Variants in UTRN observed in about 807,000 individuals in gnomAD.
UTRN encodes utrophin.
Under a neutral mutation model 463.9 loss-of-function variants are expected in UTRN, and 283 were observed. The ratio of observed to expected loss-of-function variants is 0.61; its 90% CI spans 0.55 to 0.67. UTRN has a LOEUF of 0.67. Ranked by LOEUF, UTRN falls within the 30% of genes least tolerant of loss-of-function variation. The probability of loss-of-function intolerance (pLI) is 0.00; values close to 1 mark genes in which losing one functional copy is unlikely to be tolerated. For synonymous variants in UTRN, 1,442 were observed against 1,431.5 expected (o/e 1.01, Z -0.17); for missense variants, 3,922 against 4,084.3 (o/e 0.96, Z 1.08).
intron 2 of UTRN, among the ~76,000 whole-genome samples, chr6:144,353,217 C>T (rs752313384): frequency 1.3e-5 from 2 of 152,020 alleles, no homozygotes; most frequent in Non-Finnish European, 2.9e-5. Flanking sequence ...CAGGTTCAAG[C>T]GATTCCCTTA....
chr6:144,732,261 C>CATATATATAT (rs1562832840), intron 54 of UTRN, among the ~76,000 whole-genome samples: 90 of 122,592 alleles, frequency 7.3e-4, no homozygotes, highest in Middle Eastern at 4.2e-3. Context: ...TATATATACA[C>CATATATATAT]ACATATATAT....
chr6:144,485,438 C>G lies in UTRN; in HGVS notation c.3741C>G (p.Thr1247=). Residue 1247 remains threonine (T), a synonymous_variant, in exon 28 of 75, where the codon ACC becomes ACG. Coordinates refer to ENST00000367545, the MANE Select transcript of UTRN (RefSeq NM_007124.3). ...ELLHYLDLET[T]WLNTLEERMK... is the part of the protein sequence containing the mutation. ...TTCACTATTTGGATCTTGAAACTAC[C>G]TGGTTAAACACTTTGGAAGAGCGGA... is the stretch of plus-strand genomic sequence containing the variant. The G allele has an allele frequency of 6.2e-7, 1 of 1,614,132 alleles. No homozygotes were observed. Among genetic ancestry groups the G allele is most frequent in the South Asian group, 1.1e-5 (1 of 91,084 alleles).
chr6:144,296,255 C>T (rs893730948), intron 2 of UTRN, among the ~76,000 whole-genome samples: 8 of 152,180 alleles, frequency 5.3e-5, no homozygotes, highest in South Asian at 2.1e-4. Context: ...GTCAGATCAG[C>T]GGCAGCATTA....
intron 54 of UTRN, among the ~76,000 whole-genome samples, chr6:144,731,884 C>G (rs964981468): frequency 6.6e-6 from 1 of 151,374 alleles, no homozygotes; most frequent in Non-Finnish European, 1.5e-5. Flanking sequence ...TTTTTTGAGA[C>G]AGAGTCTCAC....
chr6:144,576,947 A>G (rs1342200996), intron 50 of UTRN, 152 bp from the exon 51 acceptor site: 1 of 633,928 alleles, frequency 1.6e-6, no homozygotes, highest in Non-Finnish European at 2.7e-6. Flanking sequence ...TATTCAAGAC[A>G]CACATACAGA....
intron 53 of UTRN, 106 bp downstream of exon 53, chr6:144,700,349 T>G: frequency 1.6e-6 from 2 of 1,256,350 alleles, no homozygotes; most frequent in Non-Finnish European, 1.0e-6. Flanking sequence ...TATCACAGGA[T>G]TCCCCCCCCC....
chr6:144,685,968 C>G (rs1303306634), intron 52 of UTRN, among the ~76,000 whole-genome samples: 1 of 152,034 alleles, frequency 6.6e-6, no homozygotes, highest in Non-Finnish European at 1.5e-5. Context: ...AAATTCTTTG[C>G]CTAGGCCAAT....
chr6:144,423,978 C>T lies in UTRN; in HGVS notation c.313-8C>T, dbSNP rs772766301. The T allele has an allele frequency of 6.2e-7, 1 of 1,611,368 alleles. No homozygotes were observed. The highest frequency in any genetic ancestry group is 1.1e-5 in the South Asian group (1 of 90,708). ...TTTTTGTTTTTGTTTTTTGTTTTGT[C>T]TTAATAGGTGGAATTAGTGAATATA... On this transcript the variant is annotated splice_region_variant and splice_polypyrimidine_tract_variant and intron_variant, in intron 5 of 74. Transcript: ENST00000367545.
At chr6:144,488,158 A>G (rs902198453) in intron 29 of UTRN, among the ~76,000 whole-genome samples, 1 of 152,218 alleles carries the variant, frequency 6.6e-6, no homozygotes, top group African/African-American at 2.4e-5. Context: ...GCTTCCAAAC[A>G]CATATTAAAT....
intron 51 of UTRN, among the ~76,000 whole-genome samples, chr6:144,602,744 A>T (rs1400893731): frequency 6.6e-6 from 1 of 152,242 alleles, no homozygotes; most frequent in East Asian, 1.9e-4. Context: ...TTCAGTGCAG[A>T]CTCCATACAG....
At chr6:144,833,888 A>G (rs376921892) in intron 69 of UTRN, among the ~76,000 whole-genome samples, 1 of 152,142 alleles carries the variant, frequency 6.6e-6, no homozygotes, top group Non-Finnish European at 1.5e-5. Context: ...ACACAGACCC[A>G]TATCTCCCTG....
At position 144,448,774 on chromosome 6, in the gene UTRN, G is replaced by A; in HGVS notation, c.2072+5G>A. 6.2e-7 allele frequency: 1 copy of A among 1,612,660 alleles called. No homozygotes were observed. The highest frequency in any genetic ancestry group is 8.5e-7 in the Non-Finnish European group (1 of 1,179,432). On this transcript the variant is annotated splice_donor_5th_base_variant and intron_variant, in intron 17 of 74. Transcript: ENST00000367545. ...GGATATTGAAGCTAAGAAAAAGTGA[G>A]AAGAGATAGAGAAATTGTTCAAATC...
intron 51 of UTRN, among the ~76,000 whole-genome samples, chr6:144,668,764 C>T (rs1205165269): frequency 6.6e-6 from 1 of 152,100 alleles, no homozygotes; most frequent in Non-Finnish European, 1.5e-5. Context: ...GCCCCACCTC[C>T]TAATACCATT....
intron 51 of UTRN, among the ~76,000 whole-genome samples, chr6:144,638,802 A>C (rs1777462807): frequency 6.6e-6 from 1 of 152,150 alleles, no homozygotes; most frequent in Non-Finnish European, 1.5e-5. Flanking sequence ...ATTGCTTATA[A>C]TCCTTTTAGA....
chr6:144,722,338 C>T (rs1271390986), intron 53 of UTRN, among the ~76,000 whole-genome samples: 3 of 150,124 alleles, frequency 2.0e-5, no homozygotes, highest in African/African-American at 7.3e-5. Flanking sequence ...TTTTAAATAT[C>T]GCTGTCTTTC....
At chr6:144,540,421 T>C (rs1024119656) in intron 45 of UTRN, among the ~76,000 whole-genome samples, 1 of 152,182 alleles carries the variant, frequency 6.6e-6, no homozygotes, top group African/African-American at 2.4e-5. Flanking sequence ...CTATAGCTAA[T>C]GATGCAGGTG....
intron 51 of UTRN, among the ~76,000 whole-genome samples, chr6:144,658,145 T>A (rs1464126171): frequency 6.6e-6 from 1 of 152,194 alleles, no homozygotes; most frequent in African/African-American, 2.4e-5. Flanking sequence ...AAGCATTAGA[T>A]TAACACATTT....
intron 58 of UTRN, among the ~76,000 whole-genome samples, chr6:144,769,174 C>A (rs903359408): frequency 6.6e-6 from 1 of 151,902 alleles, no homozygotes; most frequent in Non-Finnish European, 1.5e-5. Context: ...GTTGCCTACT[C>A]TGGGAGAACT....
At chr6:144,497,360 GC>G (rs137861686) in intron 33 of UTRN, among the ~76,000 whole-genome samples, 4,346 of 152,008 alleles carry the variant, frequency 0.029, 201 homozygotes, top group African/African-American at 0.098. Flanking sequence ...GGATGGTGTG[GC>G]CATTGAGATG....
Sources: gnomAD v4.1 joint callset for allele counts (sites outside exome capture counted in the v4.1 genomes callset) on GRCh38, gnomAD v4.1.1 for gene constraint, MANE v1.5 for transcripts, NCBI Gene and HGNC (gene_info 2026-07-23, HGNC 2026-07-21) for gene names.